The following ZNF541 variants were observed in gnomAD, a reference collection of about 807,000 sequenced individuals.
ZNF541 encodes zinc finger protein 541.
A neutral mutation model predicts 123.5 loss-of-function variants in ZNF541; 23 were observed. The ratio of observed to expected loss-of-function variants is 0.19; its 90% confidence interval spans 0.13 to 0.26. The LOEUF (loss-of-function observed/expected upper bound fraction) is 0.26. ZNF541 is among the 10% of genes least tolerant of loss of function. ZNF541 has a pLI of 1.00. For missense variants in ZNF541, 1,612 were observed against 1,789.9 expected (o/e 0.90, Z 1.79); for synonymous variants, 751 against 754.5 (o/e 1.00, Z 0.08).
chr19:47,554,936 A>G (rs1970751857), intron 3 of ZNF541, among the ~76,000 whole-genome samples: 2 of 152,144 alleles, frequency 1.3e-5, no homozygotes, highest in African/African-American at 4.8e-5. Context: ...TCTACTAAAA[A>G]TACAAAAATT....
intron 2 of ZNF541, among the ~76,000 whole-genome samples, chr19:47,566,627 T>C (rs1321433581): frequency 6.6e-6 from 1 of 151,808 alleles, no homozygotes. Flanking sequence ...TCACCTGTAG[T>C]ACCAGCTACT....
intron 4 of ZNF541, 127 bp from the exon 5 acceptor site, chr19:47,546,107 C>T (rs1568503941): frequency 1.3e-5 from 11 of 821,020 alleles, no homozygotes; most frequent in Non-Finnish European, 1.9e-5. Flanking sequence ...TACTCAGCCC[C>T]CACGAGGAAA....
At position 47,533,024 on chromosome 19, in the gene ZNF541, C is replaced by T. The variant is rs553007050; in HGVS notation, c.3095-52G>A. Reference sequence around the variant, plus strand: ...AAGAAGACAGACAGCAGGTAACCGACAGGGTCCTCTGCCTGCCTGTGTGGA... The same window carrying T: ...AAGAAGACAGACAGCAGGTAACCGATAGGGTCCTCTGCCTGCCTGTGTGGA... On this transcript the variant is annotated intron_variant, in intron 9 of 16. Transcript: ENST00000391901. 63 of 1,516,208 alleles carry T rather than the reference C, an allele frequency of 4.2e-5. 1 individual carries two copies. The South Asian group carries it at 7.4e-4, about 18-fold the overall frequency. 93.9% of individuals were successfully genotyped at this position (1,516,208 alleles called of 1,614,324 possible). A position where few individuals can be genotyped will look rare whatever the true frequency, so the allele number is the denominator to read the frequency against.
rs1969612845 is a variant in ZNF541 at position 47,532,343 on chromosome 19, C to T, written c.3159-73G>A. The T allele has an allele frequency of 6.0e-6, 9 of 1,501,832 alleles. No homozygotes were observed. The Admixed American group carries it at 1.4e-4, about 23-fold the overall frequency. The allele number at this position is 1,501,832 out of a possible 1,614,324, so 93.0% of individuals were successfully genotyped here. A position where few individuals can be genotyped will look rare whatever the true frequency, so the allele number is the denominator to read the frequency against. On this transcript the variant is annotated intron_variant, in intron 10 of 16. Coordinates refer to ENST00000391901, the MANE Select transcript of ZNF541 (RefSeq NM_001277075.3). ...AGATGGGAAGTGAAATGGAGACGCT[C>T]TGTATGCCCTGCTCTTGGGCCACAG...
intron 9 of ZNF541, among the ~76,000 whole-genome samples, chr19:47,537,614 A>G (rs1031761297): frequency 2.7e-5 from 4 of 150,420 alleles, no homozygotes; most frequent in Non-Finnish European, 5.9e-5. Flanking sequence ...AGGGTGGCTC[A>G]CACATTTAAT....
chr19:47,555,695 C>T lies in ZNF541; in HGVS notation c.162G>A (p.Pro54=), dbSNP rs568955111. ...TGTCAGGCGTTGGGAGGCTGGGGTC[C>T]GGGTCCAGACCACTCAGGCCAGCAT... ...FLYAGLSGLD[P]DPSLPTPDMS... Residue 54 remains proline, a synonymous_variant, in exon 3 of 17, where the codon CCG becomes CCA. Transcript: ENST00000391901. 1.3e-5 allele frequency: 20 copies of T among 1,551,726 alleles called. No homozygotes were observed. The highest frequency in any genetic ancestry group is 5.5e-5 in the African/African-American group (4 of 73,154).
chr19:47,569,168 G>C (rs1368655171), intron 2 of ZNF541, among the ~76,000 whole-genome samples: 1 of 151,874 alleles, frequency 6.6e-6, no homozygotes, highest in Admixed American at 6.6e-5. Flanking sequence ...GGGACAAATG[G>C]CATCTCTAGA....
chr19:47,543,067 G>A (rs1482660109), intron 5 of ZNF541, among the ~76,000 whole-genome samples: 1 of 152,038 alleles, frequency 6.6e-6, no homozygotes, highest in Non-Finnish European at 1.5e-5. Flanking sequence ...TTGAGCCCAG[G>A]GGTTCAAGAC....
intron 4 of ZNF541, among the ~76,000 whole-genome samples, chr19:47,548,761 C>T (rs1411215984): frequency 6.6e-6 from 1 of 152,148 alleles, no homozygotes; most frequent in Non-Finnish European, 1.5e-5. Flanking sequence ...CACTCTCTTC[C>T]CTGCGCTCTG....
At chr19:47,562,837 T>C (rs1204828926) in intron 2 of ZNF541, among the ~76,000 whole-genome samples, 1 of 152,136 alleles carries the variant, frequency 6.6e-6, no homozygotes, top group Non-Finnish European at 1.5e-5. Context: ...TAAATAATGT[T>C]CCCCTGTCTG....
At chr19:47,560,576 CAAAAAA>C (rs77981071) in intron 2 of ZNF541, among the ~76,000 whole-genome samples, 1 of 53,798 alleles carries the variant, frequency 1.9e-5, no homozygotes, top group African/African-American at 6.4e-5. Flanking sequence ...AACTCTGTCC[CAAAAAA>C]AAAAAAAAAA....
chr19:47,524,202 C>T (rs1478223426), intron 14 of ZNF541, among the ~76,000 whole-genome samples: 2 of 152,188 alleles, frequency 1.3e-5, no homozygotes, highest in Non-Finnish European at 2.9e-5. Flanking sequence ...AGAATATTTA[C>T]AAGGCTGCAA....
At position 47,544,110 on chromosome 19, in the gene ZNF541, G is replaced by T. The variant is rs1349388856; in HGVS notation, c.2403+16C>A. On this transcript the variant is annotated intron_variant, in intron 5 of 16. Transcript: ENST00000391901. ...TCACTCCACTCTGGTCAGGCCACGT[G>T]AGAGAGAGCTGGTACCTGGATTCTG... is the stretch of plus-strand genomic sequence containing the variant. 1 of 1,535,362 alleles carries T rather than the reference G, an allele frequency of 6.5e-7. No homozygotes were observed. Among genetic ancestry groups the T allele is most frequent in the East Asian group, 2.5e-5 (1 of 40,630 alleles).
intron 2 of ZNF541, among the ~76,000 whole-genome samples, chr19:47,563,316 T>C (rs1481524221): frequency 2.6e-5 from 4 of 152,216 alleles, no homozygotes; most frequent in Non-Finnish European, 5.9e-5. Context: ...CAAATAATTA[T>C]TTCTGCATCA....
intron 2 of ZNF541, among the ~76,000 whole-genome samples, chr19:47,563,224 G>A (rs971324058): frequency 3.3e-5 from 5 of 152,164 alleles, no homozygotes; most frequent in African/African-American, 1.2e-4. Flanking sequence ...TTCAGAATTT[G>A]AGGGGGTTTT....
At chr19:47,546,206 T>TAA (rs113946046) in intron 4 of ZNF541, among the ~76,000 whole-genome samples, 14,152 of 125,658 alleles carry the variant, frequency 0.11, 1,667 homozygotes, top group African/African-American at 0.29. Flanking sequence ...TACAGAAAAG[T>TAA]AAAAAAAAAA....
At chr19:47,555,302 G>A (rs553094950) in intron 3 of ZNF541, among the ~76,000 whole-genome samples, 32 of 151,300 alleles carry the variant, frequency 2.1e-4, no homozygotes, top group Non-Finnish European at 3.1e-4. Flanking sequence ...CCCAGGAGGC[G>A]GAGCTTGCAG....
At chr19:47,534,246 A>G (rs1022228006) in intron 9 of ZNF541, among the ~76,000 whole-genome samples, 1 of 152,220 alleles carries the variant, frequency 6.6e-6, no homozygotes. Flanking sequence ...GAATCCGAAG[A>G]ACAAAGAGAA....
intron 14 of ZNF541, among the ~76,000 whole-genome samples, chr19:47,522,744 C>CTTTTT (rs35868495): frequency 2.7e-5 from 3 of 112,452 alleles, no homozygotes; most frequent in African/African-American, 7.2e-5. Context: ...TGCAGTGAGC[C>CTTTTT]TTTTTTTTTT....
Sources: allele counts gnomAD v4.1 joint callset (sites outside exome capture counted in the v4.1 genomes callset), GRCh38; gene constraint gnomAD v4.1.1; transcripts MANE v1.5; gene names NCBI Gene and HGNC (gene_info 2026-07-23, HGNC 2026-07-21).